The following PYHIN1 variants were observed in gnomAD, a reference collection of about 807,000 sequenced individuals.
The protein encoded by PYHIN1 is pyrin and HIN domain family member 1, also known as pyrin and HIN domain-containing protein 1.
In PYHIN1, 32 loss-of-function variants were observed where a neutral mutation model predicts 43.7. That is an observed-to-expected ratio of 0.73 (90% CI 0.55 to 0.98). The LOEUF (loss-of-function observed/expected upper bound fraction) is 0.98. Among genes scored for constraint, PYHIN1 ranks in the 50% least tolerant of loss-of-function variants. The pLI is 0.00. For synonymous variants in PYHIN1, 205 were observed against 203.1 expected, an observed-to-expected ratio of 1.01 and a Z score of -0.08; for missense variants, 588 against 589.5, an observed-to-expected ratio of 1.00 and a Z score of 0.03.
the PYHIN1 span, among the ~76,000 whole-genome samples, chr1:158,988,321 G>A: frequency 6.6e-6 from 1 of 152,096 alleles, no homozygotes; most frequent in East Asian, 1.9e-4. Flanking sequence ...AATATAATGA[G>A]TTTAAACTGG....
the PYHIN1 span, among the ~76,000 whole-genome samples, chr1:158,985,638 G>A: frequency 3.9e-5 from 6 of 152,082 alleles, no homozygotes; most frequent in Admixed American, 2.6e-4. Flanking sequence ...CTTAGGGATT[G>A]TCATCTTGTG....
At chr1:158,950,071 C>T (rs1649447525) in intron 7 of PYHIN1, among the ~76,000 whole-genome samples, 2 of 152,194 alleles carry the variant, frequency 1.3e-5, no homozygotes, top group African/African-American at 4.8e-5. Context: ...GGGTGTAAAT[C>T]TAACCCTCCT....
At chr1:158,972,857 A>T (rs1034586134) in intron 7 of PYHIN1, among the ~76,000 whole-genome samples, 1 of 152,072 alleles carries the variant, frequency 6.6e-6, no homozygotes, top group Non-Finnish European at 1.5e-5. Flanking sequence ...AATACTTGTC[A>T]CCACAGTAAT....
At chr1:158,953,257 A>G (rs1366706105) in intron 7 of PYHIN1, among the ~76,000 whole-genome samples, 1 of 133,538 alleles carries the variant, frequency 7.5e-6, no homozygotes. Flanking sequence ...CCACAGATCA[A>G]GGAGGCCTGC....
chr1:158,980,302 T>C (rs1215546705), downstream of PYHIN1, among the ~76,000 whole-genome samples: 1 of 152,136 alleles, frequency 6.6e-6, no homozygotes, highest in East Asian at 1.9e-4. Flanking sequence ...ACATGTGAGT[T>C]TGAAAAATAT....
At chr1:158,988,461 A>C in the PYHIN1 span, among the ~76,000 whole-genome samples, 1 of 152,198 alleles carries the variant, frequency 6.6e-6, no homozygotes, top group South Asian at 2.1e-4. Flanking sequence ...AGCCTCTATG[A>C]TCTTTTAGAA....
At chr1:158,935,267 A>C (rs1318150193) in intron 1 of PYHIN1, among the ~76,000 whole-genome samples, 3 of 151,824 alleles carry the variant, frequency 2.0e-5, no homozygotes, top group Non-Finnish European at 4.4e-5. Flanking sequence ...GAAATGTAAG[A>C]TATAAGGAAC....
intron 7 of PYHIN1, among the ~76,000 whole-genome samples, chr1:158,948,836 C>A (rs1333648558): frequency 6.6e-6 from 1 of 152,116 alleles, no homozygotes; most frequent in Non-Finnish European, 1.5e-5. Context: ...CAGATTGTCT[C>A]CTTAATATCA....
intron 7 of PYHIN1, among the ~76,000 whole-genome samples, chr1:158,951,336 G>A (rs369734348): frequency 1.3e-5 from 2 of 152,040 alleles, no homozygotes; most frequent in African/African-American, 4.8e-5. Context: ...AATAGGATGT[G>A]TACGTTGATC....
Position 158,933,362 on chromosome 1 carries a change from A to G in PYHIN1, c.-21+1586A>G, listed in dbSNP as rs1648282971. Among the ~76,000 whole-genome samples, 1 of 151,636 alleles carries G rather than the reference A, an allele frequency of 6.6e-6. No individual in the cohort carries two copies. The highest frequency in any genetic ancestry group is 2.4e-5 in the African/African-American group (1 of 41,378). On this transcript the variant is annotated intron_variant, in intron 1 of 8. Coordinates refer to ENST00000368140, the MANE Select transcript of PYHIN1 (RefSeq NM_152501.5). This position sits in a 1 kb window ranked among gnomAD's most constrained non-coding sequence, Gnocchi z 6.3. ...ATATACATTTATTATTATTAGATAA[A>G]TCTATAATTTAAATTATTGTATCTT...
intron 5 of PYHIN1, 92 bp downstream of exon 5, chr1:158,942,491 A>G (rs1036335327): frequency 8.9e-6 from 9 of 1,005,844 alleles, no homozygotes; most frequent in Non-Finnish European, 1.2e-5. Flanking sequence ...CATATTACTT[A>G]ACATTAAAAC....
chr1:158,944,071 A>T (rs980894611), intron 6 of PYHIN1, 93 bp downstream of exon 6: 27 of 1,070,304 alleles, frequency 2.5e-5, no homozygotes, highest in Middle Eastern at 2.9e-4. Flanking sequence ...TTTACACTTA[A>T]AATTCTGCAG....
chr1:158,971,457 G>A (rs751245692), intron 7 of PYHIN1, among the ~76,000 whole-genome samples: 17 of 151,810 alleles, frequency 1.1e-4, no homozygotes, highest in Non-Finnish European at 1.5e-4. Context: ...CATGTTCTGG[G>A]AATGCCCTAG....
At chr1:158,953,499 C>T (rs949360079) in intron 7 of PYHIN1, among the ~76,000 whole-genome samples, 2 of 150,510 alleles carry the variant, frequency 1.3e-5, no homozygotes, top group African/African-American at 2.4e-5. Context: ...ACACTGACAC[C>T]TCACACGGCA....
intron 6 of PYHIN1, among the ~76,000 whole-genome samples, chr1:158,944,264 C>A (rs968293482): frequency 2.0e-5 from 3 of 152,198 alleles, no homozygotes; most frequent in Non-Finnish European, 2.9e-5. Context: ...AAACCAAGTT[C>A]TTTGCAGTAA....
the PYHIN1 span, among the ~76,000 whole-genome samples, chr1:158,983,564 G>T: frequency 2.0e-5 from 3 of 151,692 alleles, no homozygotes; most frequent in Non-Finnish European, 4.4e-5. Flanking sequence ...GAGGACTTTT[G>T]CATCAATATT....
chr1:158,979,113 T>C (rs1651398051), downstream of PYHIN1, among the ~76,000 whole-genome samples: 1 of 152,162 alleles, frequency 6.6e-6, no homozygotes, highest in Non-Finnish European at 1.5e-5. Flanking sequence ...ACATTATTTC[T>C]CTAAAACCAC....
At position 158,976,685 on chromosome 1, in the gene PYHIN1, C is replaced by T; in HGVS notation, c.*6-16C>T. The T allele has an allele frequency of 6.3e-7, 1 of 1,579,938 alleles. No homozygotes were observed. Among genetic ancestry groups the T allele is most frequent in the Non-Finnish European group, 8.6e-7 (1 of 1,160,350 alleles). Reference sequence around the variant, plus strand: ...TGCATCTCAACGGGTTTATTTTTATCTCTTTATGCTTCAAGGTCACCAAGG... The same window carrying T: ...TGCATCTCAACGGGTTTATTTTTATTTCTTTATGCTTCAAGGTCACCAAGG... On this transcript the variant is annotated splice_polypyrimidine_tract_variant and intron_variant, in intron 8 of 8. Coordinates refer to ENST00000368140, the MANE Select transcript of PYHIN1 (RefSeq NM_152501.5).
At chr1:158,965,946 G>A (rs1208133119) in intron 7 of PYHIN1, among the ~76,000 whole-genome samples, 1 of 151,638 alleles carries the variant, frequency 6.6e-6, no homozygotes, top group African/African-American at 2.4e-5. Flanking sequence ...AACGAATCCA[G>A]GAGTTCATCT....
Sources: gnomAD v4.1 joint callset for allele counts (sites outside exome capture counted in the v4.1 genomes callset) on GRCh38, gnomAD v4.1.1 for gene constraint, Gnocchi (gnomAD v3.1) non-coding constraint, MANE v1.5 for transcripts, NCBI Gene and HGNC (gene_info 2026-07-23, HGNC 2026-07-21) for gene names.